Variants in MCC observed in about 807,000 individuals in gnomAD.
MCC encodes colorectal mutant cancer protein.
Under a neutral mutation model 116.2 loss-of-function variants are expected in MCC, and 90 were observed. The observed-to-expected ratio is 0.77, with a 90% CI of 0.65 to 0.92. The LOEUF (loss-of-function observed/expected upper bound fraction) is 0.92, where lower values mean the gene tolerates loss of function less well. Among genes scored for constraint, MCC ranks in the 40% least tolerant of loss-of-function variants. The probability of loss-of-function intolerance (pLI) is 0.00; values close to 1 mark genes in which losing one functional copy is unlikely to be tolerated. For synonymous variants in MCC, 578 were observed against 510.5 expected (o/e 1.13, Z -1.78); for missense variants, 1,516 against 1,312.2 (o/e 1.16, Z -2.40).
intron 3 of MCC, among the ~76,000 whole-genome samples, chr5:113,153,316 G>A (rs1336294295): frequency 6.6e-6 from 1 of 152,130 alleles, no homozygotes; most frequent in Non-Finnish European, 1.5e-5. Context: ...GAAGGGGTTG[G>A]GGGAGGCCTG....
chr5:113,256,029 A>G (rs1764990707), intron 3 of MCC, among the ~76,000 whole-genome samples: 1 of 152,274 alleles, frequency 6.6e-6, no homozygotes, highest in Admixed American at 6.5e-5. Flanking sequence ...CAGATGAGCC[A>G]AAATAATATT....
At chr5:113,191,850 G>A (rs1442097805) in intron 3 of MCC, among the ~76,000 whole-genome samples, 3 of 152,172 alleles carry the variant, frequency 2.0e-5, no homozygotes, top group African/African-American at 7.2e-5. Flanking sequence ...TCAAGTTGTT[G>A]TTTTTCTCTC....
intron 3 of MCC, among the ~76,000 whole-genome samples, chr5:113,191,239 G>A (rs917679876): frequency 1.5e-4 from 23 of 152,108 alleles, no homozygotes; most frequent in South Asian, 4.1e-4. Flanking sequence ...ATCTGCCTCC[G>A]CACCAGTACT....
chr5:113,085,529 T>G, intron 8 of MCC, among the ~76,000 whole-genome samples: 1 of 152,210 alleles, frequency 6.6e-6, no homozygotes, highest in Non-Finnish European at 1.5e-5. Flanking sequence ...ATACAAAAAG[T>G]AGAGTTATAA....
Position 113,240,646 on chromosome 5 carries a change from C to T in MCC, c.628-89224G>A, listed in dbSNP as rs1764330020. ...TGGAGGTTGCTTTAATATTACATTTCCCTTCCTTCAAGAGTCTAATGCCAA... is the reference window on the plus strand; with the variant it reads ...TGGAGGTTGCTTTAATATTACATTTTCCTTCCTTCAAGAGTCTAATGCCAA... On this transcript the variant is annotated intron_variant, in intron 3 of 18. Transcript: ENST00000408903. Among the ~76,000 whole-genome samples the T allele has an allele frequency of 3.3e-5, 5 of 152,166 alleles. No homozygotes were observed. In the South Asian group the frequency reaches 1.0e-3, roughly 32 times the overall value.
Position 113,027,302 on chromosome 5 carries a change from T to C in MCC, c.3060A>G (p.Ter1020=). 4 of 1,614,058 alleles carry C rather than the reference T, an allele frequency of 2.5e-6. No individual in the cohort carries two copies. The highest frequency in any genetic ancestry group is 3.4e-6 in the Non-Finnish European group (4 of 1,179,952). The part of the protein sequence containing the change: ...SRPHTNETSL[*] ...CAGAACTCCGGTGCGTGAGTGCTGA[T>C]TAAAGCGAAGTTTCATTGGTGTGTG... The change falls in exon 19 of 19, where the codon TAA becomes TAG. Residue 1020 remains the stop codon, a stop_retained_variant. Coordinates refer to ENST00000408903, the MANE Select transcript of MCC (RefSeq NM_001085377.2).
rs1417545126 is a variant in MCC at position 113,034,853 on chromosome 5, C to G, written c.2757-5797G>C. 1.3e-5 allele frequency among the ~76,000 whole-genome samples: 2 copies of G among 152,224 alleles called. 1 individual carries two copies. The highest frequency in any genetic ancestry group is 2.9e-5 in the Non-Finnish European group (2 of 68,042). On this transcript the variant is annotated intron_variant, in intron 17 of 18. Coordinates refer to ENST00000408903, the MANE Select transcript of MCC (RefSeq NM_001085377.2). ...GGGCTGACAGCCTCTTTGCTCATGG[C>G]TTGCACAAGGCCTCCAGAGCCTGAT... is the stretch of plus-strand genomic sequence containing the variant.
chr5:113,465,800 G>T (rs1771885616), intron 1 of MCC, among the ~76,000 whole-genome samples: 1 of 152,124 alleles, frequency 6.6e-6, no homozygotes, highest in Non-Finnish European at 1.5e-5. Flanking sequence ...GTTAAATAAT[G>T]TTATACCATA....
intron 3 of MCC, among the ~76,000 whole-genome samples, chr5:113,274,705 T>G (rs566534479): frequency 6.6e-6 from 1 of 152,120 alleles, no homozygotes; most frequent in Non-Finnish European, 1.5e-5. Flanking sequence ...AGACTAGCAT[T>G]TTGGAAGCTA....
chr5:113,371,498 C>T (rs888850513), intron 2 of MCC, among the ~76,000 whole-genome samples: 10 of 152,058 alleles, frequency 6.6e-5, no homozygotes, highest in Admixed American at 2.0e-4. Flanking sequence ...AAATCTGACA[C>T]GGTAATATTT....
At chr5:113,472,699 A>G (rs767461528) in intron 1 of MCC, among the ~76,000 whole-genome samples, 27 of 152,248 alleles carry the variant, frequency 1.8e-4, no homozygotes, top group Non-Finnish European at 8.8e-5. Flanking sequence ...ATTTATATTA[A>G]CAAATAAGGA....
chr5:113,476,834 A>G (rs1772246409), intron 1 of MCC, among the ~76,000 whole-genome samples: 1 of 152,216 alleles, frequency 6.6e-6, no homozygotes, highest in African/African-American at 2.4e-5. Context: ...AATGATTGTT[A>G]CACGACTCTG....
At position 113,024,126 on chromosome 5, in the gene MCC, GCT is replaced by G. The variant is rs1750362612; in HGVS notation, c.*3174_*3175del. On this transcript the variant is annotated 3_prime_UTR_variant, in exon 19 of 19. Coordinates refer to ENST00000408903, the MANE Select transcript of MCC (RefSeq NM_001085377.2). ...CTTCCTTTTGGAGTAGAATGTCAAG[GCT>G]CTGACTTAGAAGAGGTCCCTCTAAA... 1 of 152,032 alleles carries G rather than the reference GCT, an allele frequency of 6.6e-6. No homozygotes were observed. The highest frequency in any genetic ancestry group is 1.5e-5 in the Non-Finnish European group (1 of 68,044). The allele number at this position is 152,032 out of a possible 1,614,324, so 9.4% of individuals were successfully genotyped here.
At chr5:113,164,347 C>T (rs1202902524) in intron 3 of MCC, among the ~76,000 whole-genome samples, 8 of 152,172 alleles carry the variant, frequency 5.3e-5, no homozygotes, top group Admixed American at 1.3e-4. Context: ...CAACTTGTCC[C>T]ATTGGTCTAG....
At chr5:113,321,376 T>G (rs1269893923) in intron 3 of MCC, among the ~76,000 whole-genome samples, 1 of 152,194 alleles carries the variant, frequency 6.6e-6, no homozygotes, top group African/African-American at 2.4e-5. Flanking sequence ...TTCTGGAACC[T>G]GAAGCAACTG....
intron 3 of MCC, among the ~76,000 whole-genome samples, chr5:113,280,260 T>G (rs1765992458): frequency 1.3e-5 from 2 of 152,172 alleles, no homozygotes. Context: ...AAAGGGAACC[T>G]GGGGGTGGTG....
chr5:113,111,470 T>C (rs1757093634), intron 6 of MCC, among the ~76,000 whole-genome samples: 1 of 152,172 alleles, frequency 6.6e-6, no homozygotes, highest in South Asian at 2.1e-4. Flanking sequence ...CACCCTGAGC[T>C]CCTGGGATAG....
chr5:113,070,454 T>G (rs1387403920), intron 12 of MCC, among the ~76,000 whole-genome samples: 1 of 152,108 alleles, frequency 6.6e-6, no homozygotes, highest in Non-Finnish European at 1.5e-5. Flanking sequence ...TGAACTGTAG[T>G]TATTTAAATT....
chr5:113,155,884 T>A (rs949230581), intron 3 of MCC, among the ~76,000 whole-genome samples: 1 of 152,186 alleles, frequency 6.6e-6, no homozygotes, highest in Non-Finnish European at 1.5e-5. Flanking sequence ...CATCCTTCAG[T>A]GTAGTTTGCG....
Sources: gnomAD v4.1 joint callset for allele counts (sites outside exome capture counted in the v4.1 genomes callset) on GRCh38, gnomAD v4.1.1 for gene constraint, MANE v1.5 for transcripts, NCBI Gene and HGNC (gene_info 2026-07-23, HGNC 2026-07-21) for gene names.